The following FRAS1 variants were observed in gnomAD, a reference collection of about 807,000 sequenced individuals.
FRAS1 encodes the protein Fraser extracellular matrix complex subunit 1, also known as extracellular matrix organizing protein FRAS1.
In FRAS1, 290 loss-of-function variants were observed where a neutral mutation model predicts 435.2. The observed-to-expected ratio is 0.67, with a 90% confidence interval of 0.61 to 0.73. The LOEUF (loss-of-function observed/expected upper bound fraction) is 0.73, where lower values mean the gene tolerates loss of function less well. FRAS1 is among the 30% of genes least tolerant of loss of function. FRAS1 has a pLI of 0.00. For synonymous variants in FRAS1, 1,800 were observed against 1,851.0 expected, an observed-to-expected ratio of 0.97 and a Z score of 0.71; for missense variants, 4,860 against 5,001.5, an observed-to-expected ratio of 0.97 and a Z score of 0.85.
rs377385258 is a variant in FRAS1 at position 78,264,981 on chromosome 4, T to C, written c.604-44T>C. 53 of 1,210,228 alleles carry C rather than the reference T, an allele frequency of 4.4e-5. No individual in the cohort carries two copies. In the African/African-American group the frequency reaches 6.6e-4, roughly 15 times the overall value. The allele number at this position is 1,210,228 out of a possible 1,614,324, so 75.0% of individuals were successfully genotyped here. On this transcript the variant is annotated intron_variant, in intron 6 of 73. Transcript: ENST00000512123. ...AATTTTCCTGCTGTTGTGGATCTTATTAATATCACTTTGTGATGGATTGTT... is the reference window on the plus strand; with the variant it reads ...AATTTTCCTGCTGTTGTGGATCTTACTAATATCACTTTGTGATGGATTGTT...
In FRAS1 at chr4:78,499,763, A is replaced by G. The variant is rs559663684; in HGVS notation, c.9158A>G (p.Glu3053Gly). The G allele has an allele frequency of 1.5e-5, 25 of 1,613,922 alleles. No individual in the cohort carries two copies. The highest frequency in any genetic ancestry group is 1.9e-5 in the Non-Finnish European group (23 of 1,179,832). The change falls in exon 61 of 74, where the codon GAA becomes GGA. Residue 3053 changes from glutamate (E) to glycine (G), a missense_variant. Transcript: ENST00000512123. ...EFEEAAYQVR[E>G]PAGPDAIAIL... Reference sequence around the variant, plus strand: ...GAAGAAGCTGCATACCAAGTCCGGGAACCCGCAGGCCCAGATGCCATTGCG... The same window carrying G: ...GAAGAAGCTGCATACCAAGTCCGGGGACCCGCAGGCCCAGATGCCATTGCG...
At position 78,507,427 on chromosome 4, in the gene FRAS1, A is replaced by G. The variant is rs1230860148; in HGVS notation, c.9323A>G (p.Asp3108Gly). 1 of 1,609,802 alleles carries G rather than the reference A, an allele frequency of 6.2e-7. No homozygotes were observed. The highest frequency in any genetic ancestry group is 1.7e-5 in the Admixed American group (1 of 59,404). ...SRVLKFSPGV[D>G]HIFFKVEILS... is the part of the protein sequence containing the mutation. ...TGTTCTGTCCTTGGCGAAGGTGTGG[A>G]TCATATCTTTTTTAAAGTTGAGATC... The change falls in exon 62 of 74, where the codon GAT becomes GGT. Residue 3108 changes from aspartate (D) to glycine (G), a missense_variant. Physicochemically the swap from Asp to Gly is moderately conservative, Grantham distance 94. Transcript: ENST00000512123.
At chr4:78,134,625 G>A (rs1434347717) in intron 2 of FRAS1, among the ~76,000 whole-genome samples, 1 of 152,152 alleles carries the variant, frequency 6.6e-6, no homozygotes, top group Non-Finnish European at 1.5e-5. Context: ...TCTGTGAGAT[G>A]TTTTCTGTGC....
intron 9 of FRAS1, among the ~76,000 whole-genome samples, chr4:78,273,478 G>A (rs1224673809): frequency 6.6e-6 from 1 of 152,106 alleles, no homozygotes; most frequent in Non-Finnish European, 1.5e-5. Flanking sequence ...AATATTCTCA[G>A]ATACATACCA....
chr4:78,403,247 C>T (rs185339557), intron 30 of FRAS1, among the ~76,000 whole-genome samples: 4 of 152,200 alleles, frequency 2.6e-5, no homozygotes, highest in Admixed American at 6.5e-5. Flanking sequence ...TCCATTAAGT[C>T]TTAAACAAAA....
intron 29 of FRAS1, among the ~76,000 whole-genome samples, chr4:78,394,406 C>T (rs28868898): frequency 0.14 from 21,201 of 151,838 alleles, 1,864 homozygotes; most frequent in African/African-American, 0.25. Context: ...GTAATTTCAT[C>T]CCTTTGCATG....
chr4:78,086,729 GA>G (rs1741198580), intron 2 of FRAS1, among the ~76,000 whole-genome samples: 1 of 152,168 alleles, frequency 6.6e-6, no homozygotes, highest in Non-Finnish European at 1.5e-5. Context: ...AAACCAGGAA[GA>G]AGTTGAATCT....
In FRAS1 at chr4:78,441,282, G is replaced by T; in HGVS notation, c.5650G>T (p.Glu1884Ter). ...TGCTCTGCCCAAATATGGCTGCATTGAGAACACAGGAACAGGTACTACTTC... is the reference window on the plus strand; with the variant it reads ...TGCTCTGCCCAAATATGGCTGCATTTAGAACACAGGAACAGGTACTACTTC... Reference protein sequence around the residue: ...LSALPKYGCIENTGTGDRFGP... With the variant: ...LSALPKYGCI Residue 1884 changes from glutamate (E) to a stop codon, truncating the protein, a stop_gained, in exon 41 of 74, where the codon GAG (glutamate) becomes TAG (stop). Transcript: ENST00000512123. LOFTEE classifies it high-confidence loss of function. The T allele has an allele frequency of 6.2e-7, 1 of 1,612,280 alleles. No homozygotes were observed.
chr4:78,524,186 C>T (rs1168510493), intron 69 of FRAS1, among the ~76,000 whole-genome samples: 2 of 152,196 alleles, frequency 1.3e-5, no homozygotes, highest in African/African-American at 4.8e-5. Flanking sequence ...GTGAGCTTCT[C>T]CAGAGTAGAA....
intron 2 of FRAS1, among the ~76,000 whole-genome samples, chr4:78,113,782 TG>T (rs1210701918): frequency 6.6e-6 from 1 of 152,240 alleles, no homozygotes; most frequent in Admixed American, 6.5e-5. Flanking sequence ...GTAGGTTGCC[TG>T]GTCTCTCTGA....
intron 2 of FRAS1, among the ~76,000 whole-genome samples, chr4:78,139,745 GA>G (rs920969687): frequency 6.6e-6 from 1 of 152,158 alleles, no homozygotes; most frequent in African/African-American, 2.4e-5. Flanking sequence ...GCATTTGTGT[GA>G]AAAAATATAA....
chr4:78,431,764 A>T (rs1451356420), intron 37 of FRAS1, among the ~76,000 whole-genome samples: 1 of 152,148 alleles, frequency 6.6e-6, no homozygotes, highest in Non-Finnish European at 1.5e-5. Flanking sequence ...CACATTTTCC[A>T]CAAAGGTATG....
chr4:78,486,967 C>T (rs1166651137), intron 58 of FRAS1, among the ~76,000 whole-genome samples: 1 of 151,984 alleles, frequency 6.6e-6, no homozygotes. Flanking sequence ...AACATAACCA[C>T]TTCAGCCTTT....
chr4:78,428,038 T>G (rs1269027452), intron 35 of FRAS1, among the ~76,000 whole-genome samples: 1 of 152,236 alleles, frequency 6.6e-6, no homozygotes, highest in Non-Finnish European at 1.5e-5. Context: ...GATGAGCTGA[T>G]GATGCAAATA....
intron 61 of FRAS1, among the ~76,000 whole-genome samples, chr4:78,505,014 T>C (rs1257374843): frequency 6.6e-6 from 1 of 152,194 alleles, no homozygotes; most frequent in East Asian, 1.9e-4. Flanking sequence ...GAAATTCTGG[T>C]TTGAAAAATT....
intron 20 of FRAS1, among the ~76,000 whole-genome samples, chr4:78,345,917 A>G (rs953509504): frequency 2.6e-5 from 4 of 152,210 alleles, no homozygotes; most frequent in African/African-American, 9.7e-5. Context: ...TTTACCAAAC[A>G]ATACCTTCTC....
intron 39 of FRAS1, 27 bp downstream of exon 39, chr4:78,438,745 C>T (rs1294946539): frequency 6.4e-7 from 1 of 1,553,646 alleles, no homozygotes; most frequent in Admixed American, 2.0e-5. Context: ...TATTATTTGA[C>T]AGATTCTTAA....
chr4:78,281,222 C>G (rs1727315721), intron 10 of FRAS1, among the ~76,000 whole-genome samples, 176 bp from the exon 11 acceptor site: 2 of 152,094 alleles, frequency 1.3e-5, no homozygotes, highest in African/African-American at 4.8e-5. Flanking sequence ...GTTGATTTCA[C>G]CTCAGATTAG....
At chr4:78,452,149 C>G (rs984871694) in intron 46 of FRAS1, 26 bp from the exon 47 acceptor site, 1 of 1,608,642 alleles carries the variant, frequency 6.2e-7, no homozygotes, top group Non-Finnish European at 8.5e-7. Flanking sequence ...GATCCCATTT[C>G]AAATCACTAT....
Sources: allele counts gnomAD v4.1 joint callset (sites outside exome capture counted in the v4.1 genomes callset), GRCh38; gene constraint gnomAD v4.1.1; transcripts MANE v1.5; gene names NCBI Gene and HGNC (gene_info 2026-07-23, HGNC 2026-07-21).